ZFHX3: variants seen among roughly 807,000 people sequenced by gnomAD.
The protein encoded by ZFHX3 is zinc finger homeobox 3.
A neutral mutation model predicts 279.1 loss-of-function variants in ZFHX3; 42 were observed. That is an observed-to-expected ratio of 0.15 (90% CI 0.12 to 0.19). The LOEUF is 0.19. Among genes scored for constraint, ZFHX3 ranks in the 10% least tolerant of loss-of-function variants. ZFHX3 has a pLI of 1.00. For synonymous variants in ZFHX3, 2,293 were observed against 1,957.8 expected (o/e 1.17, Z -4.52); for missense variants, 4,981 against 4,754.0 (o/e 1.05, Z -1.40).
At chr16:73,822,933 G>A (rs1376076427) in intron 1 of ZFHX3, among the ~76,000 whole-genome samples, 1 of 152,178 alleles carries the variant, frequency 6.6e-6, no homozygotes, top group Non-Finnish European at 1.5e-5. Context: ...CCAAGCCTTA[G>A]TTCATGCATT....
intron 2 of ZFHX3, among the ~76,000 whole-genome samples, chr16:73,595,225 C>T (rs796300175): frequency 5.3e-5 from 8 of 152,234 alleles, no homozygotes; most frequent in East Asian, 1.9e-4. Flanking sequence ...ACTGCTTACC[C>T]GACTGTCCAT....
intron 5 of ZFHX3, among the ~76,000 whole-genome samples, chr16:72,827,745 T>C (rs2036968513): frequency 6.6e-6 from 1 of 152,216 alleles, no homozygotes; most frequent in African/African-American, 2.4e-5. Flanking sequence ...TCCTCGGTCC[T>C]ACCTTACACA....
chr16:72,890,091 G>A lies in ZFHX3; in HGVS notation c.3217-129C>T, dbSNP rs111547147. On this transcript the variant is annotated intron_variant, in intron 3 of 9. Coordinates refer to ENST00000268489, the MANE Select transcript of ZFHX3 (RefSeq NM_006885.4). The stretch of plus-strand genomic sequence containing the variant: ...GGGACACATCTCCACAGCCAAACAG[G>A]ACAGTCTTTGATATGGTTTGGCTGT... 8,787 of 771,066 alleles carry A rather than the reference G, an allele frequency of 0.011. 554 individuals are homozygous for A. In the African/African-American group the frequency reaches 0.14, roughly 12 times the overall value. 47.8% of individuals were successfully genotyped at this position (771,066 alleles called of 1,614,324 possible). A position where few individuals can be genotyped will look rare whatever the true frequency, so the allele number is the denominator to read the frequency against.
At chr16:73,660,984 A>G (rs1197490008) in intron 2 of ZFHX3, among the ~76,000 whole-genome samples, 1 of 152,184 alleles carries the variant, frequency 6.6e-6, no homozygotes, top group Non-Finnish European at 1.5e-5. Flanking sequence ...GCATACCCAT[A>G]TCTACTCCAA....
At chr16:73,628,320 C>A (rs2052437309) in intron 2 of ZFHX3, among the ~76,000 whole-genome samples, 1 of 152,110 alleles carries the variant, frequency 6.6e-6, no homozygotes, top group South Asian at 2.1e-4. Context: ...TAGATGATTC[C>A]TAGAGTTCAA....
At chr16:73,116,330 TACTC>T (rs1010925826) in intron 7 of ZFHX3, among the ~76,000 whole-genome samples, 4 of 152,234 alleles carry the variant, frequency 2.6e-5, no homozygotes, top group Admixed American at 6.5e-5. Context: ...TGCTGACAGT[TACTC>T]ACTCACAGGC....
At chr16:73,798,366 A>T (rs1445018609) in intron 1 of ZFHX3, among the ~76,000 whole-genome samples, 1 of 151,992 alleles carries the variant, frequency 6.6e-6, no homozygotes, top group African/African-American at 2.4e-5. Flanking sequence ...GTGAGAAGTT[A>T]ACAAGGTGGG....
intron 2 of ZFHX3, among the ~76,000 whole-genome samples, chr16:73,573,463 C>CA (rs199513115): frequency 4.2e-4 from 62 of 149,256 alleles, no homozygotes; most frequent in African/African-American, 4.2e-4. Context: ...GTTTTGCCTG[C>CA]AAAAAAAAAG....
intron 5 of ZFHX3, among the ~76,000 whole-genome samples, chr16:73,189,514 G>A (rs1464623506): frequency 6.6e-6 from 1 of 152,214 alleles, no homozygotes; most frequent in African/African-American, 2.4e-5. Flanking sequence ...TAATTTCCAT[G>A]GTTCTAAATA....
intron 1 of ZFHX3, among the ~76,000 whole-genome samples, chr16:73,855,191 T>C (rs915197988): frequency 1.3e-5 from 2 of 151,674 alleles, no homozygotes; most frequent in Admixed American, 1.3e-4. Context: ...GAATCAGAGA[T>C]TGTTTGCATT....
chr16:73,512,701 T>C (rs2019454353), intron 2 of ZFHX3, among the ~76,000 whole-genome samples: 1 of 152,162 alleles, frequency 6.6e-6, no homozygotes, highest in Non-Finnish European at 1.5e-5. Context: ...TCTTAAAAGC[T>C]TGGCCACGGC....
intron 2 of ZFHX3, among the ~76,000 whole-genome samples, chr16:73,592,581 C>T (rs1241860101): frequency 6.6e-6 from 1 of 151,546 alleles, no homozygotes; most frequent in Non-Finnish European, 1.5e-5. Flanking sequence ...GGCCTTATAC[C>T]CTGAAAATAA....
At chr16:73,727,063 A>T (rs2053525032) in intron 1 of ZFHX3, among the ~76,000 whole-genome samples, 1 of 152,224 alleles carries the variant, frequency 6.6e-6, no homozygotes. Flanking sequence ...AATACAGGCC[A>T]TCCAGGAGGA....
In ZFHX3 at chr16:72,788,128, AGTTGCCGCTGCTGCTGCT is replaced by A; in HGVS notation, c.10130_10147del (p.Gln3377_Gln3382del). 6.3e-7 allele frequency: 1 copy of A among 1,596,138 alleles called. No homozygotes were observed. Among genetic ancestry groups the A allele is most frequent in the Non-Finnish European group, 8.6e-7 (1 of 1,167,688 alleles). ...CACTTTTTGCTGCTGCTGCTGCTGT[AGTTGCCGCTGCTGCTGCT>A]GCTGAATTGCCTCCTGCAGACTCTG... On this transcript the variant is annotated inframe_deletion, in exon 10 of 10. Coordinates refer to ENST00000268489, the MANE Select transcript of ZFHX3 (RefSeq NM_006885.4).
At chr16:73,436,024 G>A (rs550836407) in intron 3 of ZFHX3, among the ~76,000 whole-genome samples, 6 of 152,264 alleles carry the variant, frequency 3.9e-5, no homozygotes, top group African/African-American at 1.2e-4. Context: ...CCTGAGACTG[G>A]GTAATTTATA....
At chr16:73,872,049 A>G (rs1288861689) in intron 1 of ZFHX3, among the ~76,000 whole-genome samples, 1 of 152,220 alleles carries the variant, frequency 6.6e-6, no homozygotes, top group Non-Finnish European at 1.5e-5. Context: ...TGCGATCAAT[A>G]TTCACATTTT....
At chr16:73,013,033 C>T (rs1467180273) in intron 1 of ZFHX3, among the ~76,000 whole-genome samples, 1 of 152,214 alleles carries the variant, frequency 6.6e-6, no homozygotes, top group Non-Finnish European at 1.5e-5. Context: ...AAGCCATCAA[C>T]TAGCAACTGG....
At chr16:73,449,837 A>T (rs2018252565) in intron 3 of ZFHX3, among the ~76,000 whole-genome samples, 1 of 151,842 alleles carries the variant, frequency 6.6e-6, no homozygotes, top group Non-Finnish European at 1.5e-5. Context: ...GGTTTTCTCC[A>T]TTTTTTTTCT....
At chr16:73,888,991 C>T (rs1374498765) in intron 1 of ZFHX3, among the ~76,000 whole-genome samples, 1 of 149,264 alleles carries the variant, frequency 6.7e-6, no homozygotes, top group Non-Finnish European at 1.5e-5. Context: ...GCTCATCAAA[C>T]ACCTCCAGGC....
Sources: gnomAD v4.1 joint callset for allele counts (sites outside exome capture counted in the v4.1 genomes callset) on GRCh38, gnomAD v4.1.1 for gene constraint, MANE v1.5 for transcripts, NCBI Gene and HGNC (gene_info 2026-07-23, HGNC 2026-07-21) for gene names.